Variants in TMEM67 observed in about 807,000 individuals in gnomAD.
TMEM67 encodes meckelin.
In TMEM67, 124 loss-of-function variants were observed where a neutral mutation model predicts 136.6. The observed-to-expected ratio is 0.91, with a 90% CI of 0.78 to 1.05. The LOEUF (loss-of-function observed/expected upper bound fraction) is 1.05, where lower values mean the gene tolerates loss of function less well. Among genes scored for constraint, TMEM67 ranks in the 50% least tolerant of loss-of-function variants. The pLI, the probability that TMEM67 is intolerant of heterozygous loss-of-function variation, is 0.00. For missense variants in TMEM67, 1,107 were observed against 1,178.4 expected (o/e 0.94, Z 0.89); for synonymous variants, 364 against 390.5 (o/e 0.93, Z 0.80).
Position 93,755,144 on chromosome 8 carries a change from C to G in TMEM67, c.223+7C>G. 1 of 1,613,648 alleles carries G rather than the reference C, an allele frequency of 6.2e-7. No individual in the cohort carries two copies. The highest frequency in any genetic ancestry group is 8.5e-7 in the Non-Finnish European group (1 of 1,179,598). On this transcript the variant is annotated splice_region_variant and intron_variant, in intron 1 of 27. Coordinates refer to ENST00000453321, the MANE Select transcript of TMEM67 (RefSeq NM_153704.6). ...CAGAGGCAAGATGCCCGAGGTAAGA[C>G]GGTTTGCGGTGGGCCCTGGCAAAAG...
At chr8:93,784,117 A>G (rs1348054054) in intron 11 of TMEM67, among the ~76,000 whole-genome samples, 1 of 152,090 alleles carries the variant, frequency 6.6e-6, no homozygotes, top group Non-Finnish European at 1.5e-5. Flanking sequence ...GTTAGAAATT[A>G]TTTTTTTCTT....
chr8:93,805,261 G>A (rs371098902), intron 23 of TMEM67, among the ~76,000 whole-genome samples: 23 of 151,412 alleles, frequency 1.5e-4, no homozygotes, highest in Admixed American at 7.2e-4. Flanking sequence ...TTGAGTCACC[G>A]CGCACCTGGC....
intron 26 of TMEM67, among the ~76,000 whole-genome samples, chr8:93,813,216 T>C (rs971972341): frequency 2.0e-5 from 3 of 152,036 alleles, no homozygotes; most frequent in Non-Finnish European, 2.9e-5. Context: ...TCTCGCTCTG[T>C]TGTCTAGGCT....
chr8:93,787,165 T>C (rs188127073), intron 13 of TMEM67, among the ~76,000 whole-genome samples: 9 of 152,326 alleles, frequency 5.9e-5, no homozygotes, highest in African/African-American at 2.2e-4. Context: ...CTTTCCTTTT[T>C]GAATTCACAA....
At chr8:93,768,266 A>C (rs145893302) in intron 6 of TMEM67, among the ~76,000 whole-genome samples, 70 of 125,098 alleles carry the variant, frequency 5.6e-4, no homozygotes, top group African/African-American at 2.5e-3. Flanking sequence ...TAGGAAATAT[A>C]CACATACATA....
chr8:93,822,431 A>G (rs1809054419), downstream of TMEM67, among the ~76,000 whole-genome samples: 1 of 152,216 alleles, frequency 6.6e-6, no homozygotes. Context: ...TTTTGGTTGG[A>G]CTATCCTGAA....
chr8:93,815,470 C>T, intron 27 of TMEM67, 23 bp downstream of exon 27: 1 of 1,576,906 alleles, frequency 6.3e-7, no homozygotes, highest in African/African-American at 1.3e-5. Context: ...AATTTTTCTA[C>T]ATTTTCCTTC....
chr8:93,832,178 T>C, the TMEM67 span, among the ~76,000 whole-genome samples: 1 of 152,112 alleles, frequency 6.6e-6, no homozygotes. Context: ...ACTCAAAAAC[T>C]CTCTATACAG....
intron 19 of TMEM67, 34 bp downstream of exon 19, chr8:93,797,267 C>A (rs1461441335): frequency 6.2e-7 from 1 of 1,610,942 alleles, no homozygotes; most frequent in Admixed American, 1.7e-5. Flanking sequence ...TACCAAAATT[C>A]TTTTGCTACC....
At chr8:93,815,111 G>A (rs527298752) in intron 26 of TMEM67, among the ~76,000 whole-genome samples, 194 bp from the exon 27 acceptor site, 7 of 152,138 alleles carry the variant, frequency 4.6e-5, no homozygotes, top group Admixed American at 2.0e-4. Flanking sequence ...AAGTTTTTAT[G>A]AGTTTTTAAC....
At chr8:93,759,367 G>A (rs899959129) in intron 3 of TMEM67, 1 of 151,388 alleles carries the variant, frequency 6.6e-6, no homozygotes, top group African/African-American at 2.4e-5. Flanking sequence ...AGAGGCAAAG[G>A]TGGGAAGATC....
the TMEM67 span, among the ~76,000 whole-genome samples, chr8:93,826,665 C>A: frequency 0.016 from 2,378 of 152,136 alleles, 69 homozygotes; most frequent in African/African-American, 0.055. Context: ...ATTTATAAGC[C>A]CAATGATCTC....
chr8:93,799,972 A>G (rs1244140976), intron 21 of TMEM67, among the ~76,000 whole-genome samples: 1 of 141,180 alleles, frequency 7.1e-6, no homozygotes, highest in African/African-American at 2.7e-5. Context: ...CAGTGGCATG[A>G]TCTTGGTTCA....
In TMEM67 at chr8:93,787,928, T is replaced by G. The variant is rs780497869; in HGVS notation, c.1497T>G (p.Asp499Glu). 7 of 1,613,774 alleles carry G rather than the reference T, an allele frequency of 4.3e-6. No homozygotes were observed. The highest frequency in any genetic ancestry group is 5.9e-6 in the Non-Finnish European group (7 of 1,179,704). Reference sequence around the variant, plus strand: ...CCTACAGTGACATTGATATCAAAGATGCCAACAGCCAGTCTGTGAAGGTGA... The same window carrying G: ...CCTACAGTGACATTGATATCAAAGAGGCCAACAGCCAGTCTGTGAAGGTGA... ...TIAYSDIDIKDANSQSVKVSF... is the reference protein window; with the variant it reads ...TIAYSDIDIKEANSQSVKVSF... The change falls in exon 14 of 28, where the codon GAT becomes GAG. Residue 499 changes from aspartate (D) to glutamate (E), a missense_variant. By Grantham distance (45) the Asp-to-Glu change is conservative (BLOSUM62 2). This residue lies in a region of TMEM67 where 925 missense variants were observed against 1,002.4 expected (regional missense o/e 0.92). Transcript: ENST00000453321.
chr8:93,777,530 C>T (rs1015600911), intron 7 of TMEM67, among the ~76,000 whole-genome samples: 11 of 152,296 alleles, frequency 7.2e-5, no homozygotes, highest in Middle Eastern at 3.4e-3. Flanking sequence ...TTAAATGTGT[C>T]CCAGAGATTC....
At chr8:93,793,867 G>C (rs1289362494) in intron 16 of TMEM67, among the ~76,000 whole-genome samples, 1 of 151,706 alleles carries the variant, frequency 6.6e-6, no homozygotes, top group East Asian at 1.9e-4. Flanking sequence ...TTTCAGGTTT[G>C]TTTTTGTTTT....
downstream of TMEM67, among the ~76,000 whole-genome samples, chr8:93,819,995 T>TA (rs149633541): frequency 1.3e-5 from 2 of 152,190 alleles, no homozygotes; most frequent in South Asian, 4.2e-4. Flanking sequence ...TCCTCTTCCT[T>TA]AAATCATCCC....
rs908796228 is a variant in TMEM67 at position 93,771,486 on chromosome 8, C to G, written c.652-1103C>G. On this transcript the variant is annotated intron_variant, in intron 6 of 27. Transcript: ENST00000453321. ...TTGTATAATTATATTTTTAATAGTTCCATAATATTCTGGCTTATGCACTAA... is the reference window on the plus strand; with the variant it reads ...TTGTATAATTATATTTTTAATAGTTGCATAATATTCTGGCTTATGCACTAA... Among the ~76,000 whole-genome samples the G allele has an allele frequency of 2.0e-5, 3 of 152,014 alleles. No homozygotes were observed. In the East Asian group the frequency reaches 5.8e-4, roughly 29 times the overall value.
chr8:93,825,893 T>TA, the TMEM67 span, among the ~76,000 whole-genome samples: 17 of 152,292 alleles, frequency 1.1e-4, no homozygotes, highest in Non-Finnish European at 2.4e-4. Context: ...GGTGTACACA[T>TA]ACAGCCTTCT....
Sources: gnomAD v4.1 joint callset for allele counts (sites outside exome capture counted in the v4.1 genomes callset) on GRCh38, gnomAD v4.1.1 for gene constraint, gnomAD v4.1.1 regional missense constraint, MANE v1.5 for transcripts, NCBI Gene and HGNC (gene_info 2026-07-23, HGNC 2026-07-21) for gene names.